RXRA: variants seen among roughly 807,000 people sequenced by gnomAD.
The protein encoded by RXRA is retinoic acid receptor RXR-alpha.
RXRA carries 5 observed loss-of-function variants against 44.5 expected under a neutral mutation model. The ratio of observed to expected loss-of-function variants is 0.11; its 90% confidence interval spans 0.06 to 0.24. RXRA has a LOEUF of 0.24. Ranked by LOEUF, RXRA falls within the 10% of genes least tolerant of loss-of-function variation. The pLI is 1.00. For synonymous variants in RXRA, 291 were observed against 271.4 expected, an observed-to-expected ratio of 1.07 and a Z score of -0.71; for missense variants, 412 against 646.5, an observed-to-expected ratio of 0.64 and a Z score of 3.93.
chr9:134,346,370 G>A (rs377484786), intron 1 of RXRA, among the ~76,000 whole-genome samples: 13 of 152,114 alleles, frequency 8.5e-5, no homozygotes, highest in East Asian at 3.9e-4. Flanking sequence ...TTCTGCCGTT[G>A]CCCCTTCAGG....
At chr9:134,423,455 T>C in intron 6 of RXRA, 1 of 985,402 alleles carries the variant, frequency 1.0e-6, no homozygotes, top group South Asian at 4.7e-5. Context: ...GGGCTCCCTG[T>C]GAAGCAGGGA....
At chr9:134,345,485 C>T (rs1554748663) in intron 1 of RXRA, among the ~76,000 whole-genome samples, 1 of 152,190 alleles carries the variant, frequency 6.6e-6, no homozygotes, top group Admixed American at 6.5e-5. Context: ...TCAGCCCTGG[C>T]CTTGGTGGCC....
At chr9:134,381,019 C>CT (rs1342704313) in intron 1 of RXRA, among the ~76,000 whole-genome samples, 2 of 152,216 alleles carry the variant, frequency 1.3e-5, no homozygotes, top group Non-Finnish European at 2.9e-5. Flanking sequence ...CAGTCAGAGA[C>CT]TGAGTCTGAA....
intron 8 of RXRA, 41 bp from the exon 9 acceptor site, chr9:134,434,061 G>A (rs779531935): frequency 4.9e-5 from 75 of 1,516,842 alleles, no homozygotes; most frequent in Non-Finnish European, 6.2e-5. Context: ...CCCGAGACAC[G>A]CCCCAGCTGA....
At position 134,426,510 on chromosome 9, in the gene RXRA, A is replaced by G. The variant is rs1457029195; in HGVS notation, c.911-2598A>G. ...ATGCAGCCGGCGTGCCGGAGGGTGC[A>G]GAGAGAGACTCCGCACTGTTCTGTC... On this transcript the variant is annotated intron_variant, in intron 6 of 9. Coordinates refer to ENST00000481739, the MANE Select transcript of RXRA (RefSeq NM_002957.6). This position sits in a 1 kb window ranked among gnomAD's most constrained non-coding sequence, Gnocchi z 4.6. The G allele has an allele frequency of 1.0e-5, 10 of 985,348 alleles. No individual in the cohort carries two copies. Among genetic ancestry groups the G allele is most frequent in the Non-Finnish European group, 1.2e-5 (10 of 829,938 alleles). 61.0% of individuals were successfully genotyped at this position (985,348 alleles called of 1,614,324 possible). A position where few individuals can be genotyped will look rare whatever the true frequency, so the allele number is the denominator to read the frequency against.
At chr9:134,362,337 T>A (rs2119064643) in intron 1 of RXRA, among the ~76,000 whole-genome samples, 1 of 152,220 alleles carries the variant, frequency 6.6e-6, no homozygotes, top group African/African-American at 2.4e-5. Context: ...ATCCCCCAAG[T>A]CCCATCTCTC....
At chr9:134,386,305 TGCCCTC>T (rs1830719292) in intron 1 of RXRA, among the ~76,000 whole-genome samples, 1 of 152,250 alleles carries the variant, frequency 6.6e-6, no homozygotes, top group Admixed American at 6.5e-5. Context: ...ACCTCTCGCC[TGCCCTC>T]GCCATGAGGC....
intron 1 of RXRA, among the ~76,000 whole-genome samples, chr9:134,378,843 C>A (rs73663468): frequency 6.6e-6 from 1 of 152,170 alleles, no homozygotes; most frequent in South Asian, 2.1e-4. Flanking sequence ...GCTTCAGGAG[C>A]GGCCTCTGGA....
chr9:134,408,548 G>A (rs1250781107), intron 3 of RXRA, among the ~76,000 whole-genome samples: 1 of 152,260 alleles, frequency 6.6e-6, no homozygotes, highest in African/African-American at 2.4e-5. Flanking sequence ...CGGAGAGGAG[G>A]TGGCTGCTGA....
At chr9:134,401,172 C>T (rs1022642236) in intron 1 of RXRA, among the ~76,000 whole-genome samples, 5 of 152,248 alleles carry the variant, frequency 3.3e-5, no homozygotes, top group Non-Finnish European at 5.9e-5. Flanking sequence ...TCCTGGTACA[C>T]GGCAGGTGCT....
At chr9:134,386,231 C>T (rs554099033) in intron 1 of RXRA, among the ~76,000 whole-genome samples, 288 of 152,386 alleles carry the variant, frequency 1.9e-3, no homozygotes, top group African/African-American at 6.7e-3. Context: ...CGCGCTGCAT[C>T]ACCCGAGGCT....
At chr9:134,408,086 C>T (rs1372806453) in intron 2 of RXRA, 63 bp from the exon 3 acceptor site, 28 of 1,309,570 alleles carry the variant, frequency 2.1e-5, no homozygotes, top group Non-Finnish European at 2.5e-5. Flanking sequence ...GCTGCAGGGC[C>T]GTGGGGGACA....
chr9:134,425,499 C>T lies in RXRA; in HGVS notation c.911-3609C>T, dbSNP rs183807009. On this transcript the variant is annotated intron_variant, in intron 6 of 9. Transcript: ENST00000481739. ...GCCGTGTTAGCTGCTCCAGCGGGGTCGTCTGAGGGCCTGGGTTGCACAGGC... is the reference window on the plus strand; with the variant it reads ...GCCGTGTTAGCTGCTCCAGCGGGGTTGTCTGAGGGCCTGGGTTGCACAGGC... 68 of 979,060 alleles carry T rather than the reference C, an allele frequency of 6.9e-5. No homozygotes were observed. In the East Asian group the frequency reaches 5.5e-3, roughly 79 times the overall value. The allele number at this position is 979,060 out of a possible 1,614,324, so 60.6% of individuals were successfully genotyped here.
chr9:134,426,380 C>T lies in RXRA; in HGVS notation c.911-2728C>T, dbSNP rs1272555554. 8.1e-6 allele frequency: 8 copies of T among 985,344 alleles called. No homozygotes were observed. In the East Asian group the frequency reaches 5.7e-4, roughly 70 times the overall value. The allele number at this position is 985,344 out of a possible 1,614,324, so 61.0% of individuals were successfully genotyped here. A position where few individuals can be genotyped will look rare whatever the true frequency, so the allele number is the denominator to read the frequency against. On this transcript the variant is annotated intron_variant, in intron 6 of 9. Coordinates refer to ENST00000481739, the MANE Select transcript of RXRA (RefSeq NM_002957.6). This position sits in a 1 kb window ranked among gnomAD's most constrained non-coding sequence, Gnocchi z 4.6. ...GGGTTCCTCTCCTATTTTTCTCTTA[C>T]ATCCGAGAAGGAGGAGGGCAGCTTA... is the stretch of plus-strand genomic sequence containing the variant.
intron 1 of RXRA, among the ~76,000 whole-genome samples, chr9:134,327,355 C>A (rs1164883214): frequency 6.6e-6 from 1 of 152,158 alleles, no homozygotes; most frequent in Admixed American, 6.5e-5. Context: ...CAGTTTCCCT[C>A]CTCCTCCTGC....
At position 134,365,284 on chromosome 9, in the gene RXRA, C is replaced by CGAGCTGA. The variant is rs1830400250; in HGVS notation, c.29-36347_29-36341dup. ...ATCACAGCCCCAGCCTGCAGGCGCT[C>CGAGCTGA]GAGCTGAAAGCCCTCGCCCCTCGTG... On this transcript the variant is annotated intron_variant, in intron 1 of 9. Transcript: ENST00000481739. This position sits in a 1 kb window ranked among gnomAD's most constrained non-coding sequence, Gnocchi z 4.0. 6.6e-6 allele frequency among the ~76,000 whole-genome samples: 1 copy of CGAGCTGA among 152,236 alleles called. No individual in the cohort carries two copies. The highest frequency in any genetic ancestry group is 2.4e-5 in the African/African-American group (1 of 41,456).
At chr9:134,391,286 T>A (rs1250444740) in intron 1 of RXRA, among the ~76,000 whole-genome samples, 1 of 152,058 alleles carries the variant, frequency 6.6e-6, no homozygotes, top group Non-Finnish European at 1.5e-5. Flanking sequence ...GCAGGGGTGT[T>A]CCTGAGCCAG....
rs987489193 is a variant in RXRA, at chr9:134,437,681, A to G, written c.*1067A>G. 9 of 152,288 alleles carry G rather than the reference A, an allele frequency of 5.9e-5. No individual in the cohort carries two copies. Among genetic ancestry groups the G allele is most frequent in the Admixed American group, 3.9e-4 (6 of 15,290 alleles). 9.4% of individuals were successfully genotyped at this position (152,288 alleles called of 1,614,324 possible). The stretch of plus-strand genomic sequence containing the variant: ...ACTGGGAGCCTCGTGGGTGGGGCAG[A>G]TGCTCCGCGGCCTGGAGTGGCTCTG... On this transcript the variant is annotated 3_prime_UTR_variant, in exon 10 of 10. Coordinates refer to ENST00000481739, the MANE Select transcript of RXRA (RefSeq NM_002957.6).
intron 1 of RXRA, among the ~76,000 whole-genome samples, chr9:134,370,760 G>A (rs904523179): frequency 6.6e-6 from 1 of 152,184 alleles, no homozygotes. Context: ...TGGCGGCGCC[G>A]GGTGGGCCTT....
Sources: allele counts gnomAD v4.1 joint callset (sites outside exome capture counted in the v4.1 genomes callset), GRCh38; gene constraint gnomAD v4.1.1; non-coding constraint Gnocchi (gnomAD v3.1); transcripts MANE v1.5; gene names NCBI Gene and HGNC (gene_info 2026-07-23, HGNC 2026-07-21).